SLCO6A1: variants seen among roughly 807,000 people sequenced by gnomAD.
The protein encoded by SLCO6A1 is solute carrier organic anion transporter family member 6A1, also known as cancer/testis antigen 48.
In SLCO6A1, 65 loss-of-function variants were observed where a neutral mutation model predicts 72.7. The observed-to-expected ratio is 0.89, with a 90% CI of 0.73 to 1.10. The LOEUF (loss-of-function observed/expected upper bound fraction) is 1.10. SLCO6A1 is among the 50% of genes least tolerant of loss of function. The probability of loss-of-function intolerance (pLI) is 0.00; values close to 1 mark genes in which losing one functional copy is unlikely to be tolerated. For missense variants in SLCO6A1, 874 were observed against 872.6 expected (o/e 1.00, Z -0.02); for synonymous variants, 314 against 298.2 (o/e 1.05, Z -0.55).
At chr5:102,390,274 C>T (rs1186614282) in intron 11 of SLCO6A1, among the ~76,000 whole-genome samples, 1 of 152,168 alleles carries the variant, frequency 6.6e-6, no homozygotes, top group Non-Finnish European at 1.5e-5. Context: ...TTACAAATCT[C>T]TTACCTAGTG....
At chr5:102,376,710 T>C (rs995639677) in intron 12 of SLCO6A1, among the ~76,000 whole-genome samples, 4 of 152,142 alleles carry the variant, frequency 2.6e-5, no homozygotes, top group African/African-American at 9.7e-5. Flanking sequence ...ACCAAATAAC[T>C]GCAAAATATG....
chr5:102,373,248 A>G, intron 13 of SLCO6A1, 89 bp downstream of exon 13: 3 of 810,502 alleles, frequency 3.7e-6, no homozygotes, highest in Non-Finnish European at 5.0e-6. Context: ...TATGAAGCAC[A>G]TTTGTTAAAC....
intron 12 of SLCO6A1, among the ~76,000 whole-genome samples, chr5:102,380,829 C>T (rs557464409): frequency 7.2e-5 from 11 of 152,086 alleles, no homozygotes; most frequent in African/African-American, 2.6e-4. Context: ...ACTCTAGCTC[C>T]TCTAACGTAT....
rs912080106 is a variant in SLCO6A1, at chr5:102,399,541, T to A, written c.1814+14A>T. On this transcript the variant is annotated intron_variant, in intron 10 of 13. Transcript: ENST00000506729. ...ATATTAAATAAACAATAATAATGAG[T>A]AATATATACATACCGCGTCATGGCC... 2 of 1,419,760 alleles carry A rather than the reference T, an allele frequency of 1.4e-6. No individual in the cohort carries two copies. Among genetic ancestry groups the A allele is most frequent in the Non-Finnish European group, 1.9e-6 (2 of 1,073,024 alleles). 87.9% of individuals were successfully genotyped at this position (1,419,760 alleles called of 1,614,324 possible).
chr5:102,425,228 C>T (rs908746867), intron 7 of SLCO6A1, among the ~76,000 whole-genome samples: 1 of 152,114 alleles, frequency 6.6e-6, no homozygotes, highest in Non-Finnish European at 1.5e-5. Context: ...GATGCCCTCT[C>T]GCACCACTCC....
chr5:102,383,491 C>G (rs1746239706), intron 12 of SLCO6A1, among the ~76,000 whole-genome samples: 1 of 151,546 alleles, frequency 6.6e-6, no homozygotes, highest in Admixed American at 6.6e-5. Context: ...TATGGAATAT[C>G]ACATTAACTG....
At chr5:102,463,899 A>G (rs1185993166) in intron 4 of SLCO6A1, among the ~76,000 whole-genome samples, 22 of 145,714 alleles carry the variant, frequency 1.5e-4, no homozygotes, top group South Asian at 4.4e-4. Flanking sequence ...AAAAGAAGAA[A>G]AAAAAAAAAA....
intron 8 of SLCO6A1, among the ~76,000 whole-genome samples, chr5:102,417,357 T>C (rs900349598): frequency 6.6e-6 from 1 of 151,990 alleles, no homozygotes; most frequent in African/African-American, 2.4e-5. Context: ...ACTAATATGG[T>C]TAGGTTTAAA....
intron 12 of SLCO6A1, among the ~76,000 whole-genome samples, chr5:102,380,121 T>A (rs1349623791): frequency 6.6e-6 from 1 of 152,014 alleles, no homozygotes; most frequent in South Asian, 2.1e-4. Flanking sequence ...TTCCCTGATA[T>A]GGGTGCTAAT....
At chr5:102,375,653 T>G (rs1022422543) in intron 12 of SLCO6A1, among the ~76,000 whole-genome samples, 6 of 152,136 alleles carry the variant, frequency 3.9e-5, no homozygotes, top group Non-Finnish European at 7.3e-5. Context: ...TTATGTTTAT[T>G]TATCTACCAG....
At position 102,479,852 on chromosome 5, in the gene SLCO6A1, G is replaced by A. The variant is rs112103158; in HGVS notation, c.616+325C>T. Among the ~76,000 whole-genome samples, 323 of 152,126 alleles carry A rather than the reference G, an allele frequency of 2.1e-3. 3 individuals carry two copies. Among genetic ancestry groups the A allele is most frequent in the African/African-American group, 7.3e-3 (303 of 41,514 alleles). ...ATAATAATAAAAAATGCCCCTAATC[G>A]ATTCACTCTTCCCTTCTCAAAGAAA... is the stretch of plus-strand genomic sequence containing the variant. On this transcript the variant is annotated intron_variant, in intron 2 of 13. Transcript: ENST00000506729.
At chr5:102,409,538 C>A (rs547841543) in intron 9 of SLCO6A1, among the ~76,000 whole-genome samples, 1 of 152,036 alleles carries the variant, frequency 6.6e-6, no homozygotes, top group East Asian at 1.9e-4. Flanking sequence ...CTTATTCTAT[C>A]CATTAATCGT....
chr5:102,416,757 T>G (rs10479216), intron 8 of SLCO6A1, among the ~76,000 whole-genome samples: 98,030 of 151,996 alleles, frequency 0.64, 31,805 homozygotes, highest in African/African-American at 0.66. Context: ...AAAAATGTAC[T>G]GAGATTGGTT....
At chr5:102,422,295 G>A (rs1197126815) in intron 7 of SLCO6A1, among the ~76,000 whole-genome samples, 8 of 152,172 alleles carry the variant, frequency 5.3e-5, no homozygotes, top group South Asian at 2.1e-4. Context: ...ACAGAAGTAA[G>A]CTTCAGAAGG....
intron 9 of SLCO6A1, among the ~76,000 whole-genome samples, chr5:102,404,048 C>T (rs1233060683): frequency 2.0e-5 from 3 of 152,236 alleles, no homozygotes; most frequent in South Asian, 4.1e-4. Context: ...ATTCCTATAA[C>T]TTGCCAATTT....
chr5:102,478,206 T>C lies in SLCO6A1; in HGVS notation c.617-345A>G, dbSNP rs373762479. Among the ~76,000 whole-genome samples the C allele has an allele frequency of 1.8e-4, 28 of 152,272 alleles. No individual in the cohort carries two copies. In the South Asian group the frequency reaches 5.6e-3, roughly 30 times the overall value. On this transcript the variant is annotated intron_variant, in intron 2 of 13. Transcript: ENST00000506729. ...AATTGTGTGGGAATCCTGCAAAAGATGCATATATTATAAACCAAAACATAA... is the reference window on the plus strand; with the variant it reads ...AATTGTGTGGGAATCCTGCAAAAGACGCATATATTATAAACCAAAACATAA...
rs148394431 is a variant in SLCO6A1 at position 102,459,795 on chromosome 5, GA to G, written c.900-19del. 1.9e-3 allele frequency: 2,569 copies of G among 1,323,212 alleles called. No homozygotes were observed. The highest frequency in any genetic ancestry group is 5.5e-3 in the South Asian group (365 of 66,184). 82.0% of individuals were successfully genotyped at this position (1,323,212 alleles called of 1,614,324 possible). Reference sequence around the variant, plus strand: ...CTGTAGTGCTTTAATAAAGAAAAGTGAAAAAAAAAAGCAACTTTAGGTATTT... The same window carrying G: ...CTGTAGTGCTTTAATAAAGAAAAGTGAAAAAAAAAGCAACTTTAGGTATTT... On this transcript the variant is annotated intron_variant, in intron 4 of 13. Transcript: ENST00000506729.
chr5:102,485,933 G>A (rs1001102023), intron 1 of SLCO6A1, among the ~76,000 whole-genome samples: 2 of 152,186 alleles, frequency 1.3e-5, no homozygotes, highest in African/African-American at 2.4e-5. Context: ...CTACAAGTGT[G>A]TAAGTGTCTA....
rs746868936 is a variant in SLCO6A1, at chr5:102,458,474, C to G, written c.1039G>C (p.Ala347Pro). 10 of 1,612,174 alleles carry G rather than the reference C, an allele frequency of 6.2e-6. No homozygotes were observed. Among genetic ancestry groups the G allele is most frequent in the Non-Finnish European group, 8.5e-6 (10 of 1,179,044 alleles). Residue 347 changes from alanine to proline, a missense_variant, in exon 6 of 14, where the codon GCT becomes CCT. Coordinates refer to ENST00000506729, the MANE Select transcript of SLCO6A1 (RefSeq NM_173488.5). ...NNMPGSTRIK[A>P]RKRKQLHFFD... ...AAATGAAGCTGTTTACGTTTCCTAG[C>G]TTTTATCCGTGTTGAACCTATATAT...
Sources: allele counts gnomAD v4.1 joint callset (sites outside exome capture counted in the v4.1 genomes callset), GRCh38; gene constraint gnomAD v4.1.1; transcripts MANE v1.5; gene names NCBI Gene and HGNC (gene_info 2026-07-23, HGNC 2026-07-21).